Variants in SPAG17 observed in about 807,000 individuals in gnomAD.
SPAG17 encodes the protein sperm associated antigen 17.
SPAG17 carries 169 observed loss-of-function variants against 273.6 expected under a neutral mutation model. The observed-to-expected ratio is 0.62, with a 90% CI of 0.55 to 0.70. The LOEUF is 0.70. Among genes scored for constraint, SPAG17 ranks in the 30% least tolerant of loss-of-function variants. The pLI, the probability that SPAG17 is intolerant of heterozygous loss-of-function variation, is 0.00. For missense variants in SPAG17, 2,557 were observed against 2,627.8 expected (o/e 0.97, Z 0.59); for synonymous variants, 825 against 873.2 (o/e 0.94, Z 0.97).
Position 118,099,614 on chromosome 1 carries a change from TGAA to T in SPAG17, c.818_820del (p.Leu273del), listed in dbSNP as rs747449705. The T allele has an allele frequency of 1.5e-5, 24 of 1,613,850 alleles. No individual in the cohort carries two copies. Among genetic ancestry groups the T allele is most frequent in the Admixed American group, 6.7e-5 (4 of 59,984 alleles). ...TGTAGCAGACTGCATACCTTCTGACTGAAGAAGAACTTCCTGCTGCTGGTTAAC... is the reference window on the plus strand; with the variant it reads ...TGTAGCAGACTGCATACCTTCTGACTGAAGAACTTCCTGCTGCTGGTTAAC... On this transcript the variant is annotated inframe_deletion, in exon 6 of 49. Coordinates refer to ENST00000336338, the MANE Select transcript of SPAG17 (RefSeq NM_206996.4).
chr1:117,961,687 C>T (rs1653124107), intron 48 of SPAG17: 2 of 152,114 alleles, frequency 1.3e-5, no homozygotes, highest in South Asian at 4.1e-4. Context: ...AACCACAAGT[C>T]TTAATGTTCT....
intron 15 of SPAG17, among the ~76,000 whole-genome samples, chr1:118,080,068 AT>A (rs1311410171): frequency 6.6e-6 from 1 of 151,364 alleles, no homozygotes; most frequent in Non-Finnish European, 1.5e-5. Context: ...GTGTAGATTA[AT>A]TTTTTTATTT....
At chr1:117,954,760 C>A in intron 48 of SPAG17, 1 of 946,430 alleles carries the variant, frequency 1.1e-6, no homozygotes, top group Admixed American at 2.5e-5. Context: ...TCTTTTGAAT[C>A]TTGGCATTCT....
intron 1 of SPAG17, among the ~76,000 whole-genome samples, chr1:118,181,120 A>C (rs1660919540): frequency 6.6e-6 from 1 of 152,054 alleles, no homozygotes; most frequent in Non-Finnish European, 1.5e-5. Context: ...ACCACAAAGA[A>C]AATATCTATA....
intron 15 of SPAG17, among the ~76,000 whole-genome samples, chr1:118,076,748 T>A (rs1654130992): frequency 1.3e-5 from 2 of 152,168 alleles, no homozygotes; most frequent in African/African-American, 4.8e-5. Flanking sequence ...TTTTTCTTTT[T>A]CTGATTTTTG....
chr1:117,958,794 T>C (rs1212796004), intron 48 of SPAG17: 5 of 548,666 alleles, frequency 9.1e-6, no homozygotes, highest in Non-Finnish European at 1.5e-5. Context: ...GCTCGAAACA[T>C]TTCTATAATG....
At position 117,996,487 on chromosome 1, in the gene SPAG17, A is replaced by G. The variant is rs765051632; in HGVS notation, c.4936T>C (p.Tyr1646His). Residue 1646 changes from tyrosine to histidine, a missense_variant, in exon 34 of 49, where the codon TAT becomes CAT. Coordinates refer to ENST00000336338, the MANE Select transcript of SPAG17 (RefSeq NM_206996.4). The part of the protein sequence containing the change: ...GEHVPRFFVM[Y>H]ADGSGMELLR... ...AGTTCCATTCCTGATCCATCAGCAT[A>G]CATAACAAAAAACCTATTTGAAGAA... 1.9e-6 allele frequency: 3 copies of G among 1,611,924 alleles called. No individual in the cohort carries two copies. Among genetic ancestry groups the G allele is most frequent in the Non-Finnish European group, 2.5e-6 (3 of 1,179,148 alleles).
intron 24 of SPAG17, chr1:118,036,499 ATAAG>A: frequency 5.1e-6 from 1 of 197,412 alleles, no homozygotes; most frequent in South Asian, 1.8e-4. Context: ...TCTTATATGT[ATAAG>A]TGATTATATA....
At chr1:118,178,189 G>T (rs1660783713) in intron 1 of SPAG17, among the ~76,000 whole-genome samples, 1 of 151,898 alleles carries the variant, frequency 6.6e-6, no homozygotes, top group Admixed American at 6.6e-5. Flanking sequence ...AATTACTTTT[G>T]CACCAACCTA....
Position 117,966,672 on chromosome 1 carries a change from G to A in SPAG17, c.6469C>T (p.His2157Tyr). Residue 2157 changes from histidine (H) to tyrosine (Y), a missense_variant, in exon 47 of 49, where the codon CAC becomes TAC. By Grantham distance (83) the His-to-Tyr change is moderately conservative (BLOSUM62 2). Transcript: ENST00000336338. ...ATAATCTCGATATTGTGAGAGATGTGTGCTGATCCCTTGGCCCCATCCTCT... is the reference window on the plus strand; with the variant it reads ...ATAATCTCGATATTGTGAGAGATGTATGCTGATCCCTTGGCCCCATCCTCT... ...VGEDGAKGSA[H>Y]ISHNIEIMTE... is the part of the protein sequence containing the mutation. The A allele has an allele frequency of 6.2e-7, 1 of 1,613,968 alleles. No homozygotes were observed. The highest frequency in any genetic ancestry group is 8.5e-7 in the Non-Finnish European group (1 of 1,179,890).
At position 117,996,391 on chromosome 1, in the gene SPAG17, C is replaced by T. The variant is rs1657659779; in HGVS notation, c.5032G>A (p.Glu1678Lys). 1 of 1,612,444 alleles carries T rather than the reference C, an allele frequency of 6.2e-7. No individual in the cohort carries two copies. The highest frequency in any genetic ancestry group is 1.3e-5 in the African/African-American group (1 of 74,828). ...CTACCTGGCTGTTCCTGCACTGGCT[C>T]TTGGAGAACAACAGTATTTGATTCT... ...YKESNTVVLQ[E>K]PVQEQPGTLT... The change falls in exon 34 of 49, where the codon GAG becomes AAG. Residue 1678 changes from glutamate to lysine, a missense_variant. Transcript: ENST00000336338.
intron 3 of SPAG17, among the ~76,000 whole-genome samples, chr1:118,133,112 G>A (rs1658147569): frequency 6.6e-6 from 1 of 152,104 alleles, no homozygotes; most frequent in South Asian, 2.1e-4. Context: ...ACTGTGAGTT[G>A]GGCAGAGCTC....
chr1:118,136,625 C>A (rs537573127), intron 3 of SPAG17, among the ~76,000 whole-genome samples: 1 of 152,140 alleles, frequency 6.6e-6, no homozygotes, highest in African/African-American at 2.4e-5. Flanking sequence ...ACACACAGGG[C>A]GGGCCTGCAT....
At chr1:118,097,271 C>T (rs1321472013) in intron 7 of SPAG17, among the ~76,000 whole-genome samples, 1 of 150,850 alleles carries the variant, frequency 6.6e-6, no homozygotes, top group Non-Finnish European at 1.5e-5. Flanking sequence ...CTTAGAAAAG[C>T]AATGTATGAA....
chr1:117,985,990 C>T (rs1372879787), intron 40 of SPAG17, among the ~76,000 whole-genome samples: 2 of 152,130 alleles, frequency 1.3e-5, no homozygotes, highest in African/African-American at 4.8e-5. Flanking sequence ...TTTGGCAGTC[C>T]AATTAGCCTC....
Position 118,097,851 on chromosome 1 carries a change from T to C in SPAG17, c.830A>G (p.Asp277Gly), listed in dbSNP as rs1655815807. 3 of 1,571,374 alleles carry C rather than the reference T, an allele frequency of 1.9e-6. No individual in the cohort carries two copies. The highest frequency in any genetic ancestry group is 2.6e-6 in the Non-Finnish European group (3 of 1,161,774). ...TTTCTTCAATTTTTCTGCTTCTAGA[T>C]CTAATAATAGCAACATGTTTATATT... is the stretch of plus-strand genomic sequence containing the variant. Reference protein sequence around the residue: ...QQQEVLLQSEDLEAEKLKKEN... With the variant: ...QQQEVLLQSEGLEAEKLKKEN... Residue 277 changes from aspartate (D) to glycine (G), a missense_variant and splice_region_variant, in exon 7 of 49, where the codon GAT becomes GGT. Physicochemically the swap from Asp to Gly is moderately conservative, Grantham distance 94 (BLOSUM62 -1). Transcript: ENST00000336338.
chr1:117,971,691 T>A, intron 45 of SPAG17, 172 bp downstream of exon 45: 1 of 487,378 alleles, frequency 2.1e-6, no homozygotes, highest in Non-Finnish European at 3.5e-6. Context: ...ACTCACTGAT[T>A]TGTTGATGAA....
rs1165045854 is a variant in SPAG17 at position 117,992,644 on chromosome 1, T to A, written c.5183A>T (p.Lys1728Ile). 6.3e-7 allele frequency: 1 copy of A among 1,584,356 alleles called. No homozygotes were observed. The change falls in exon 36 of 49, where the codon AAA (lysine) becomes ATA (isoleucine). Residue 1728 changes from lysine to isoleucine, a missense_variant. Lys to Ile is a moderately radical substitution (Grantham distance 102, BLOSUM62 -3). Coordinates refer to ENST00000336338, the MANE Select transcript of SPAG17 (RefSeq NM_206996.4). Reference sequence around the variant, plus strand: ...AGTACCAAACGGAGGTCCTGGAGTTTTTTTCTGTTAACAAAACAAAGCAAT... The same window carrying A: ...AGTACCAAACGGAGGTCCTGGAGTTATTTTCTGTTAACAAAACAAAGCAAT... ...SWETFPSVEK[K>I]TPGPPFGTQI...
At chr1:117,959,198 A>G in intron 48 of SPAG17, 1 of 1,467,008 alleles carries the variant, frequency 6.8e-7, no homozygotes, top group Non-Finnish European at 9.2e-7. Context: ...ATAAGTAACA[A>G]CACCTGAAGC....
Sources: gnomAD v4.1 joint callset for allele counts (sites outside exome capture counted in the v4.1 genomes callset) on GRCh38, gnomAD v4.1.1 for gene constraint, MANE v1.5 for transcripts, NCBI Gene and HGNC (gene_info 2026-07-23, HGNC 2026-07-21) for gene names.